TYW1B: variants seen among roughly 807,000 people sequenced by gnomAD.
TYW1B encodes S-adenosyl-L-methionine-dependent tRNA 4-demethylwyosine synthase TYW1B.
TYW1B carries 73 observed loss-of-function variants against 86.9 expected under a neutral mutation model. The observed-to-expected ratio is 0.84, with a 90% CI of 0.70 to 1.02. The LOEUF (loss-of-function observed/expected upper bound fraction) is 1.02. Ranked by LOEUF, TYW1B falls within the 50% of genes least tolerant of loss-of-function variation. TYW1B has a pLI of 0.00. For missense variants in TYW1B, 637 were observed against 827.4 expected, an observed-to-expected ratio of 0.77 and a Z score of 2.82; for synonymous variants, 248 against 292.8, an observed-to-expected ratio of 0.85 and a Z score of 1.56.
intron 6 of TYW1B, among the ~76,000 whole-genome samples, chr7:72,797,436 C>G (rs1200676099): frequency 6.6e-6 from 1 of 152,178 alleles, no homozygotes; most frequent in East Asian, 1.9e-4. Context: ...CTCTGTGTCT[C>G]TCCCTCATGC....
intron 6 of TYW1B, among the ~76,000 whole-genome samples, chr7:72,780,061 T>G (rs1788024663): frequency 6.6e-6 from 1 of 152,194 alleles, no homozygotes; most frequent in South Asian, 2.1e-4. Context: ...GTAATTAGCT[T>G]AATGCTAGGC....
intron 9 of TYW1B, among the ~76,000 whole-genome samples, chr7:72,716,404 A>G (rs1451651588): frequency 6.6e-6 from 1 of 152,256 alleles, no homozygotes; most frequent in East Asian, 1.9e-4. Flanking sequence ...ATCCTAGTTT[A>G]TGAAACTGAT....
intron 2 of TYW1B, among the ~76,000 whole-genome samples, chr7:72,823,331 A>G (rs542908322): frequency 9.4e-4 from 143 of 151,866 alleles, no homozygotes; most frequent in African/African-American, 3.3e-3. Flanking sequence ...CTTAAAAAAT[A>G]AAAATAAAGG....
At chr7:72,674,366 T>G (rs1290853862) in intron 11 of TYW1B, among the ~76,000 whole-genome samples, 12 of 152,296 alleles carry the variant, frequency 7.9e-5, no homozygotes, top group Non-Finnish European at 1.5e-4. Context: ...GTGGCTGTGA[T>G]GTCTCCTTAG....
At chr7:72,741,358 A>G (rs1267149812) in intron 8 of TYW1B, among the ~76,000 whole-genome samples, 1 of 152,198 alleles carries the variant, frequency 6.6e-6, no homozygotes, top group African/African-American at 2.4e-5. Flanking sequence ...TTTCAACAGA[A>G]GATTTGAACA....
chr7:72,824,105 T>C (rs1788882574), intron 2 of TYW1B, among the ~76,000 whole-genome samples: 1 of 151,998 alleles, frequency 6.6e-6, no homozygotes, highest in South Asian at 2.1e-4. Context: ...AGGTTTAACT[T>C]AACAACTGAC....
intron 11 of TYW1B, among the ~76,000 whole-genome samples, chr7:72,661,088 T>A (rs1554444375): frequency 6.7e-6 from 1 of 149,788 alleles, no homozygotes; most frequent in Non-Finnish European, 1.5e-5. Flanking sequence ...TGAGCCAAGA[T>A]CTCGCCACTA....
chr7:72,727,811 CAAAAAAAAAAAA>C (rs10714290), intron 9 of TYW1B, among the ~76,000 whole-genome samples: 34 of 107,662 alleles, frequency 3.2e-4, no homozygotes, highest in Non-Finnish European at 4.8e-4. Flanking sequence ...AGATCCGGTC[CAAAAAAAAAAAA>C]AAAAAAAAAA....
intron 11 of TYW1B, among the ~76,000 whole-genome samples, chr7:72,673,093 A>C (rs1813650426): frequency 1.3e-5 from 2 of 152,174 alleles, no homozygotes; most frequent in African/African-American, 4.8e-5. Context: ...GCTTGAACCC[A>C]GGAGGTGGAG....
At chr7:72,771,909 T>C (rs1278223858) in intron 7 of TYW1B, among the ~76,000 whole-genome samples, 2 of 151,900 alleles carry the variant, frequency 1.3e-5, no homozygotes, top group Non-Finnish European at 2.9e-5. Context: ...TGCAGTGTCT[T>C]GATCTCAGCT....
intron 11 of TYW1B, among the ~76,000 whole-genome samples, chr7:72,646,751 T>C (rs1408010686): frequency 6.6e-6 from 1 of 152,170 alleles, no homozygotes; most frequent in Non-Finnish European, 1.5e-5. Context: ...ATTTTAAATA[T>C]TCCAATGCCT....
chr7:72,795,116 G>A (rs1186544203), intron 6 of TYW1B, among the ~76,000 whole-genome samples: 1 of 151,722 alleles, frequency 6.6e-6, no homozygotes, highest in Non-Finnish European at 1.5e-5. Context: ...CAGCATGCCC[G>A]GCCTCCTACT....
chr7:72,647,886 A>G (rs1444489303), intron 11 of TYW1B, among the ~76,000 whole-genome samples: 1 of 151,932 alleles, frequency 6.6e-6, no homozygotes, highest in Non-Finnish European at 1.5e-5. Context: ...ATGTTTCGCT[A>G]TGTTGCCCAG....
In TYW1B at chr7:72,788,200, C is replaced by T. The variant is rs1364321996; in HGVS notation, c.847-10667G>A. ...TTCATTGTGTTAGCCAGGATGGTCT[C>T]GATCTCCTGACCTCATGATCTGCCC... is the stretch of plus-strand genomic sequence containing the variant. On this transcript the variant is annotated intron_variant, in intron 6 of 13. Coordinates refer to ENST00000620995, the MANE Select transcript of TYW1B (RefSeq NM_001145440.3). 7.9e-5 allele frequency among the ~76,000 whole-genome samples: 12 copies of T among 151,988 alleles called. 1 individual carries two copies. Among genetic ancestry groups the T allele is most frequent in the East Asian group, 7.8e-4 (4 of 5,158 alleles).
At chr7:72,743,927 G>A (rs1787349966) in intron 8 of TYW1B, among the ~76,000 whole-genome samples, 1 of 151,600 alleles carries the variant, frequency 6.6e-6, no homozygotes, top group African/African-American at 2.4e-5. Flanking sequence ...AGGCAGAATT[G>A]TGCAATTTAG....
chr7:72,649,518 T>C (rs1217298387), intron 11 of TYW1B, among the ~76,000 whole-genome samples: 12 of 152,194 alleles, frequency 7.9e-5, no homozygotes, highest in Non-Finnish European at 1.5e-4. Flanking sequence ...GACTTGGATG[T>C]CCGAGGATAC....
intron 7 of TYW1B, chr7:72,769,258 A>G: frequency 9.4e-6 from 2 of 213,430 alleles, no homozygotes; most frequent in Non-Finnish European, 1.8e-5. Context: ...GTTTGCATGC[A>G]TTGTGCATAT....
At chr7:72,757,948 C>T (rs1355110454) in intron 7 of TYW1B, among the ~76,000 whole-genome samples, 1 of 152,080 alleles carries the variant, frequency 6.6e-6, no homozygotes, top group Non-Finnish European at 1.5e-5. Context: ...GGGTGTAGGC[C>T]GGGCGTGGTG....
intron 3 of TYW1B, among the ~76,000 whole-genome samples, chr7:72,812,646 G>A (rs536877512): frequency 2.0e-5 from 3 of 151,686 alleles, no homozygotes; most frequent in African/African-American, 7.3e-5. Context: ...TAACCACTAA[G>A]ACAGGGCCGG....
Sources: allele counts gnomAD v4.1 joint callset (sites outside exome capture counted in the v4.1 genomes callset), GRCh38; gene constraint gnomAD v4.1.1; transcripts MANE v1.5; gene names NCBI Gene and HGNC (gene_info 2026-07-23, HGNC 2026-07-21).